The following KIAA1549L variants were observed in gnomAD, a reference collection of about 807,000 sequenced individuals.
KIAA1549L encodes KIAA1549 like.
Under a neutral mutation model 160.7 loss-of-function variants are expected in KIAA1549L, and 88 were observed. The ratio of observed to expected loss-of-function variants is 0.55; its 90% confidence interval spans 0.46 to 0.65. The LOEUF (loss-of-function observed/expected upper bound fraction) is 0.65. Ranked by LOEUF, KIAA1549L falls within the 30% of genes least tolerant of loss-of-function variation. The pLI is 0.00. For synonymous variants in KIAA1549L, 950 were observed against 976.7 expected, an observed-to-expected ratio of 0.97 and a Z score of 0.51; for missense variants, 2,258 against 2,437.5, an observed-to-expected ratio of 0.93 and a Z score of 1.55.
At chr11:33,438,376 C>T (rs1253665539) in intron 1 of KIAA1549L, among the ~76,000 whole-genome samples, 7 of 152,178 alleles carry the variant, frequency 4.6e-5, no homozygotes, top group Admixed American at 3.3e-4. Context: ...AGTATAATAG[C>T]AAAACTTGTT....
intron 16 of KIAA1549L, among the ~76,000 whole-genome samples, chr11:33,638,044 G>A (rs1035531772): frequency 6.6e-6 from 1 of 152,136 alleles, no homozygotes; most frequent in Non-Finnish European, 1.5e-5. Context: ...CATCTCCTCA[G>A]AGAAGCTTTC....
intron 16 of KIAA1549L, among the ~76,000 whole-genome samples, chr11:33,641,352 A>G (rs1851574164): frequency 6.6e-6 from 1 of 152,136 alleles, no homozygotes; most frequent in Non-Finnish European, 1.5e-5. Flanking sequence ...GATAACAGCA[A>G]CAATAATAAT....
chr11:33,488,278 A>G (rs1003036298), intron 1 of KIAA1549L, among the ~76,000 whole-genome samples: 3 of 152,220 alleles, frequency 2.0e-5, no homozygotes, highest in Admixed American at 6.5e-5. Flanking sequence ...GTCTATGGAT[A>G]ATTCCTGAAT....
intron 1 of KIAA1549L, among the ~76,000 whole-genome samples, chr11:33,487,578 A>C (rs1211507112): frequency 6.6e-6 from 1 of 152,086 alleles, no homozygotes; most frequent in Non-Finnish European, 1.5e-5. Context: ...CCTTGCCTTC[A>C]GAAGTTTGTG....
chr11:33,547,719 G>A (rs925646353), intron 3 of KIAA1549L, 45 bp from the exon 4 acceptor site: 1 of 1,250,124 alleles, frequency 8.0e-7, no homozygotes, highest in Admixed American at 1.9e-5. Context: ...GAATGATGAG[G>A]TTTGTCGCCT....
In KIAA1549L at chr11:33,552,252, A is replaced by T. The variant is rs1854487509; in HGVS notation, c.3855+11A>T. Reference sequence around the variant, plus strand: ...AACTTGACAATTCAGGTAGGGAGGAAGGTGCTTCAGGCTGTGTAGTTGACA... The same window carrying T: ...AACTTGACAATTCAGGTAGGGAGGATGGTGCTTCAGGCTGTGTAGTTGACA... On this transcript the variant is annotated intron_variant, in intron 6 of 20. Transcript: ENST00000658780. 1.3e-6 allele frequency: 2 copies of T among 1,593,376 alleles called. No homozygotes were observed. Among genetic ancestry groups the T allele is most frequent in the South Asian group, 2.3e-5 (2 of 87,502 alleles).
At chr11:33,660,520 G>A (rs145107608) in intron 19 of KIAA1549L, among the ~76,000 whole-genome samples, 140 of 151,856 alleles carry the variant, frequency 9.2e-4, no homozygotes, top group African/African-American at 3.1e-3. Context: ...AGCCAAGATC[G>A]CGACACTGCA....
chr11:33,566,063 C>A (rs1271287672), intron 8 of KIAA1549L, among the ~76,000 whole-genome samples: 1 of 152,106 alleles, frequency 6.6e-6, no homozygotes, highest in Non-Finnish European at 1.5e-5. Context: ...ATAAAAGTTA[C>A]CATTTTGAAC....
chr11:33,490,646 C>G (rs2756282), intron 1 of KIAA1549L, among the ~76,000 whole-genome samples: 1 of 151,948 alleles, frequency 6.6e-6, no homozygotes. Context: ...TTCTACATCC[C>G]TATAAATTAA....
intron 1 of KIAA1549L, among the ~76,000 whole-genome samples, chr11:33,470,488 C>T (rs1852155810): frequency 6.6e-6 from 1 of 151,954 alleles, no homozygotes; most frequent in Admixed American, 6.6e-5. Context: ...CTCTTTTGCC[C>T]AAGCAGAAGT....
At chr11:33,636,522 G>T (rs953582193) in intron 16 of KIAA1549L, among the ~76,000 whole-genome samples, 22 of 151,826 alleles carry the variant, frequency 1.4e-4, no homozygotes, top group African/African-American at 4.6e-4. Context: ...ATAGAGATGG[G>T]GTTTCACCAT....
At chr11:33,402,078 C>T (rs1363856305) in intron 1 of KIAA1549L, among the ~76,000 whole-genome samples, 2 of 152,190 alleles carry the variant, frequency 1.3e-5, no homozygotes, top group Non-Finnish European at 2.9e-5. Flanking sequence ...GGGTCAGTGA[C>T]TCACAATGTT....
At chr11:33,603,193 A>G (rs1290570508) in intron 13 of KIAA1549L, among the ~76,000 whole-genome samples, 4 of 151,410 alleles carry the variant, frequency 2.6e-5, no homozygotes, top group Non-Finnish European at 4.4e-5. Flanking sequence ...TTGAAGGCCA[A>G]CTATATGTGA....
At chr11:33,648,005 C>G (rs1851773879) in intron 17 of KIAA1549L, among the ~76,000 whole-genome samples, 1 of 152,034 alleles carries the variant, frequency 6.6e-6, no homozygotes, top group Non-Finnish European at 1.5e-5. Context: ...CTTTTCTTTT[C>G]TGAGACTGAG....
intron 1 of KIAA1549L, among the ~76,000 whole-genome samples, chr11:33,468,515 G>A (rs1272037386): frequency 6.6e-6 from 1 of 152,214 alleles, no homozygotes; most frequent in East Asian, 1.9e-4. Context: ...ACACACCTGC[G>A]ACTGCAGGTC....
intron 1 of KIAA1549L, chr11:33,450,982 C>G (rs1277354567): frequency 6.6e-6 from 1 of 152,464 alleles, no homozygotes; most frequent in African/African-American, 2.4e-5. Context: ...TTGAGCCTGG[C>G]CTCCAGACCT....
chr11:33,394,593 T>C (rs1159873270), intron 1 of KIAA1549L, among the ~76,000 whole-genome samples: 3 of 152,208 alleles, frequency 2.0e-5, no homozygotes, highest in Non-Finnish European at 2.9e-5. Context: ...TTAGTAGTGG[T>C]GCCTCTTTTA....
chr11:33,440,290 C>T (rs913660275), intron 1 of KIAA1549L, among the ~76,000 whole-genome samples: 12 of 150,496 alleles, frequency 8.0e-5, no homozygotes, highest in South Asian at 2.1e-4. Context: ...CCACTACGCC[C>T]GGCTAATTTT....
chr11:33,578,621 C>T (rs1335151404), intron 10 of KIAA1549L, among the ~76,000 whole-genome samples: 1 of 152,156 alleles, frequency 6.6e-6, no homozygotes, highest in Non-Finnish European at 1.5e-5. Context: ...GAATAAAATC[C>T]AAACTCCTGT....
Sources: allele counts gnomAD v4.1 joint callset (sites outside exome capture counted in the v4.1 genomes callset), GRCh38; gene constraint gnomAD v4.1.1; transcripts MANE v1.5; gene names NCBI Gene and HGNC (gene_info 2026-07-23, HGNC 2026-07-21).